Variants in ODAD2 observed in about 807,000 individuals in gnomAD.
The protein encoded by ODAD2 is outer dynein arm-docking complex subunit 2.
In ODAD2, 89 loss-of-function variants were observed where a neutral mutation model predicts 106.8. The observed-to-expected ratio is 0.83, with a 90% confidence interval of 0.70 to 0.99. The LOEUF (loss-of-function observed/expected upper bound fraction) is 0.99, where lower values mean the gene tolerates loss of function less well. Among genes scored for constraint, ODAD2 ranks in the 50% least tolerant of loss-of-function variants. ODAD2 has a pLI of 0.00. For synonymous variants in ODAD2, 404 were observed against 436.2 expected, an observed-to-expected ratio of 0.93 and a Z score of 0.92; for missense variants, 1,168 against 1,238.5, an observed-to-expected ratio of 0.94 and a Z score of 0.85.
At chr10:27,999,212 G>C (rs1850737192), upstream of ODAD2, among the ~76,000 whole-genome samples, 1 of 152,188 alleles carries the variant, frequency 6.6e-6, no homozygotes, top group Non-Finnish European at 1.5e-5. Flanking sequence ...CTCACTCCAC[G>C]CGGTGGGAAA....
intron 10 of ODAD2, among the ~76,000 whole-genome samples, chr10:27,959,634 AT>A (rs1847982209): frequency 6.6e-6 from 1 of 152,156 alleles, no homozygotes; most frequent in African/African-American, 2.4e-5. Flanking sequence ...GTGTTTCCAA[AT>A]TCCCGACAGG....
At chr10:27,812,733 C>T (rs1189448136) in intron 19 of ODAD2, 108 bp from the exon 20 acceptor site, 3 of 1,396,570 alleles carry the variant, frequency 2.1e-6, no homozygotes, top group Non-Finnish European at 2.8e-6. Context: ...TTTTTAAAAC[C>T]ACCAAAAAAG....
chr10:27,853,281 C>A (rs1415521548), intron 19 of ODAD2: 3 of 237,020 alleles, frequency 1.3e-5, no homozygotes, highest in East Asian at 1.4e-4. Context: ...GCAGGAGAAT[C>A]GCTTGAATCC....
intron 8 of ODAD2, among the ~76,000 whole-genome samples, chr10:27,970,100 A>G (rs1848741830): frequency 7.1e-6 from 1 of 141,038 alleles, no homozygotes; most frequent in African/African-American, 2.7e-5. Context: ...TTCTGTCTCA[A>G]AAAATAAATA....
intron 16 of ODAD2, among the ~76,000 whole-genome samples, chr10:27,933,806 A>G (rs1044029248): frequency 9.9e-5 from 15 of 152,214 alleles, no homozygotes; most frequent in Admixed American, 2.0e-4. Flanking sequence ...TAAAGTAATC[A>G]TGTATGCAAC....
intron 14 of ODAD2, among the ~76,000 whole-genome samples, chr10:27,937,770 C>A (rs1846095820): frequency 6.6e-6 from 1 of 152,130 alleles, no homozygotes; most frequent in Admixed American, 6.5e-5. Flanking sequence ...CCATGTTTAT[C>A]TTCTGCACGT....
chr10:27,906,201 G>A (rs929511992), intron 17 of ODAD2, among the ~76,000 whole-genome samples: 2 of 152,114 alleles, frequency 1.3e-5, no homozygotes, highest in Non-Finnish European at 2.9e-5. Context: ...GTGGGCAAAA[G>A]ATATGAAAAG....
intron 10 of ODAD2, among the ~76,000 whole-genome samples, chr10:27,952,160 G>A: frequency 7.0e-6 from 1 of 141,918 alleles, no homozygotes; most frequent in African/African-American, 2.6e-5. Context: ...GCATCATCAA[G>A]AATTAAAAAG....
chr10:27,991,233 T>C (rs1850217754), intron 2 of ODAD2, among the ~76,000 whole-genome samples: 1 of 152,038 alleles, frequency 6.6e-6, no homozygotes, highest in South Asian at 2.1e-4. Flanking sequence ...TTCCATGAAA[T>C]GAAAGTAGAG....
chr10:27,941,297 A>T (rs1846402321), intron 12 of ODAD2, among the ~76,000 whole-genome samples: 1 of 149,852 alleles, frequency 6.7e-6, no homozygotes, highest in South Asian at 2.1e-4. Context: ...CAGCCTGAAC[A>T]ACATAGCAAG....
chr10:27,882,558 A>C (rs1447714847), intron 17 of ODAD2, among the ~76,000 whole-genome samples: 1 of 152,184 alleles, frequency 6.6e-6, no homozygotes, highest in Non-Finnish European at 1.5e-5. Context: ...AGAACTCTCA[A>C]ATTTAATAAA....
intron 19 of ODAD2, among the ~76,000 whole-genome samples, chr10:27,831,603 G>A (rs1837483953): frequency 6.6e-6 from 1 of 152,224 alleles, no homozygotes; most frequent in Non-Finnish European, 1.5e-5. Flanking sequence ...GCAAAGTCAG[G>A]ATTTGAACCC....
intron 17 of ODAD2, among the ~76,000 whole-genome samples, chr10:27,866,210 T>C (rs992930754): frequency 1.2e-4 from 18 of 152,268 alleles, no homozygotes; most frequent in Non-Finnish European, 2.5e-4. Flanking sequence ...AGGCAGTTAG[T>C]GGTGGTAGAT....
intron 19 of ODAD2, chr10:27,853,219 T>C (rs1839409138): frequency 5.9e-6 from 1 of 169,602 alleles, no homozygotes; most frequent in South Asian, 1.4e-4. Context: ...ATACAAAAAT[T>C]AGCTGGGCAT....
chr10:27,918,391 T>C (rs543843726), intron 16 of ODAD2, among the ~76,000 whole-genome samples: 13 of 152,098 alleles, frequency 8.5e-5, no homozygotes, highest in African/African-American at 2.6e-4. Flanking sequence ...GGTGAGTCAC[T>C]TTATTAATAG....
At chr10:27,942,795 C>G (rs1487597535) in intron 12 of ODAD2, among the ~76,000 whole-genome samples, 1 of 152,182 alleles carries the variant, frequency 6.6e-6, no homozygotes, top group African/African-American at 2.4e-5. Context: ...AATTAACATT[C>G]TGCCACATTC....
chr10:27,875,474 T>A (rs1011751755), intron 17 of ODAD2, among the ~76,000 whole-genome samples: 1 of 152,194 alleles, frequency 6.6e-6, no homozygotes, highest in Non-Finnish European at 1.5e-5. Flanking sequence ...TTTTTCCCCA[T>A]CTTTGTGGTT....
At chr10:27,869,786 C>T (rs1021410293) in intron 17 of ODAD2, among the ~76,000 whole-genome samples, 2 of 151,938 alleles carry the variant, frequency 1.3e-5, no homozygotes, top group Non-Finnish European at 2.9e-5. Context: ...CCACCTGCCT[C>T]GGCCTCCCAA....
intron 9 of ODAD2, among the ~76,000 whole-genome samples, chr10:27,965,227 G>A (rs1290604509): frequency 6.6e-6 from 1 of 152,210 alleles, no homozygotes; most frequent in Non-Finnish European, 1.5e-5. Context: ...TCATAGGAAA[G>A]GAGGTCTAAT....
Sources: allele counts gnomAD v4.1 joint callset (sites outside exome capture counted in the v4.1 genomes callset), GRCh38; gene constraint gnomAD v4.1.1; transcripts MANE v1.5; gene names NCBI Gene and HGNC (gene_info 2026-07-23, HGNC 2026-07-21).